The following DSE variants were observed in gnomAD, a reference collection of about 807,000 sequenced individuals.
The protein encoded by DSE is dermatan sulfate epimerase.
A neutral mutation model predicts 84.4 loss-of-function variants in DSE; 36 were observed. The ratio of observed to expected loss-of-function variants is 0.43; its 90% CI spans 0.33 to 0.56. The LOEUF (loss-of-function observed/expected upper bound fraction) is 0.56. Ranked by LOEUF, DSE falls within the 20% of genes least tolerant of loss-of-function variation. The probability of loss-of-function intolerance (pLI) is 0.06; values close to 1 mark genes in which losing one functional copy is unlikely to be tolerated. For missense variants in DSE, 862 were observed against 1,169.6 expected (o/e 0.74, Z 3.84); for synonymous variants, 410 against 430.1 (o/e 0.95, Z 0.58).
chr6:116,409,389 G>A (rs918190657), intron 2 of DSE, among the ~76,000 whole-genome samples: 6 of 152,126 alleles, frequency 3.9e-5, no homozygotes, highest in Admixed American at 2.0e-4. Flanking sequence ...CCATTCTCCT[G>A]CCTCAGCCTC....
chr6:116,396,351 G>T (rs1047101586), intron 1 of DSE, among the ~76,000 whole-genome samples: 3 of 152,174 alleles, frequency 2.0e-5, no homozygotes, highest in African/African-American at 7.2e-5. Flanking sequence ...TAATAGCTGG[G>T]AGAGCACTGG....
chr6:116,336,687 G>T, intron 2 of DSE, among the ~76,000 whole-genome samples: 1 of 151,384 alleles, frequency 6.6e-6, no homozygotes, highest in East Asian at 1.9e-4. Context: ...CCTGGGAGGC[G>T]GAGGTTGCAA....
At chr6:116,383,690 C>G (rs558153290) in intron 1 of DSE, among the ~76,000 whole-genome samples, 1 of 152,300 alleles carries the variant, frequency 6.6e-6, no homozygotes, top group African/African-American at 2.4e-5. Context: ...TATCATTCAT[C>G]TTCCTTACAG....
intron 2 of DSE, among the ~76,000 whole-genome samples, chr6:116,421,677 T>C (rs1471644879): frequency 1.3e-5 from 2 of 151,652 alleles, no homozygotes; most frequent in Non-Finnish European, 1.5e-5. Context: ...AGTTTTGCTA[T>C]GTGGAACTCC....
At chr6:116,279,969 A>G in intron 2 of DSE, 1 of 1,251,050 alleles carries the variant, frequency 8.0e-7, no homozygotes, top group South Asian at 1.2e-5. Context: ...TGGAGATCTC[A>G]CGGTATCGCG....
rs148121424 is a variant in DSE, at chr6:116,436,540, A to G, written c.2072A>G (p.Lys691Arg). ...CTGGATGTGTTCATAGCCACCAGCA[A>G]ACATGCCTACGCCACATACCTGTGG... ...QQLDVFIATS[K>R]HAYATYLWTG... Residue 691 changes from lysine (K) to arginine (R), a missense_variant, in exon 6 of 6, where the codon AAA becomes AGA. Physicochemically the swap from Lys to Arg is conservative, Grantham distance 26. This residue lies in a region of DSE where 315 missense variants were observed against 348.1 expected (regional missense o/e 0.90). Transcript: ENST00000644252. 18 of 1,614,140 alleles carry G rather than the reference A, an allele frequency of 1.1e-5. No homozygotes were observed. The African/African-American group carries it at 2.3e-4, about 20-fold the overall frequency.
intron 2 of DSE, among the ~76,000 whole-genome samples, chr6:116,409,435 G>T (rs1053020160): frequency 6.6e-6 from 1 of 151,934 alleles, no homozygotes. Flanking sequence ...CCACCACCAC[G>T]CCTGGCTAAT....
rs1302923345 is a variant in DSE at position 116,291,567 on chromosome 6, T to C, written c.-54+32600T>C. On this transcript the variant is annotated intron_variant, in intron 2 of 3. Coordinates refer to the DSE transcript ENST00000430252. Reference sequence around the variant, plus strand: ...AGGCTTTTTATTATACATTATTATATGTTTATGATATATTAAATATAATTA... The same window carrying C: ...AGGCTTTTTATTATACATTATTATACGTTTATGATATATTAAATATAATTA... Among the ~76,000 whole-genome samples, 3 of 150,992 alleles carry C rather than the reference T, an allele frequency of 2.0e-5. No homozygotes were observed. In the East Asian group the frequency reaches 5.8e-4, roughly 29 times the overall value.
At chr6:116,299,454 A>G (rs1486960781) in intron 2 of DSE, among the ~76,000 whole-genome samples, 1 of 148,902 alleles carries the variant, frequency 6.7e-6, no homozygotes, top group African/African-American at 2.5e-5. Flanking sequence ...AGGTATGGTG[A>G]ACTAGAAATG....
chr6:116,345,027 A>G (rs535527286), intron 2 of DSE, among the ~76,000 whole-genome samples: 110 of 152,274 alleles, frequency 7.2e-4, no homozygotes, highest in Non-Finnish European at 1.2e-3. Context: ...GACAAAGAAG[A>G]CCATTACATA....
At chr6:116,362,752 A>G (rs1003358448) in intron 2 of DSE, among the ~76,000 whole-genome samples, 2 of 152,196 alleles carry the variant, frequency 1.3e-5, no homozygotes, top group African/African-American at 4.8e-5. Context: ...GAGCACCTCT[A>G]GCCTAGGCCA....
upstream of DSE, among the ~76,000 whole-genome samples, chr6:116,369,094 G>A (rs1779350030): frequency 1.3e-5 from 2 of 152,210 alleles, no homozygotes; most frequent in East Asian, 1.9e-4. Flanking sequence ...TGTACATTGT[G>A]ATCATCTAGG....
intron 1 of DSE, among the ~76,000 whole-genome samples, chr6:116,374,597 G>A (rs976535057): frequency 9.2e-5 from 14 of 152,148 alleles, no homozygotes; most frequent in Non-Finnish European, 2.1e-4. Context: ...AGAAGAAAAG[G>A]AATTTATTTT....
upstream of DSE, chr6:116,369,921 T>C (rs1390277416): frequency 7.8e-7 from 1 of 1,289,352 alleles, no homozygotes. Flanking sequence ...CTCATTCTAA[T>C]GAATGGGTAA....
intron 2 of DSE, among the ~76,000 whole-genome samples, chr6:116,404,433 G>C (rs1004714550): frequency 4.6e-5 from 7 of 152,164 alleles, no homozygotes; most frequent in African/African-American, 1.7e-4. Context: ...GCTTTTCATG[G>C]CTCCTTGTCT....
intron 2 of DSE, among the ~76,000 whole-genome samples, chr6:116,322,235 G>T (rs147998369): frequency 2.0e-5 from 3 of 152,004 alleles, no homozygotes; most frequent in African/African-American, 7.3e-5. Context: ...TAACATAACC[G>T]ATTAGGTCGG....
At chr6:116,400,662 T>C (rs536200937) in intron 2 of DSE, 1 of 152,324 alleles carries the variant, frequency 6.6e-6, no homozygotes, top group African/African-American at 2.4e-5. Flanking sequence ...AGCTGATATT[T>C]TAGGCCTGTT....
chr6:116,273,771 C>G (rs1772986336), intron 2 of DSE, among the ~76,000 whole-genome samples: 1 of 151,762 alleles, frequency 6.6e-6, no homozygotes, highest in African/African-American at 2.4e-5. Context: ...TGCTAGTATT[C>G]AATAAACAAC....
intron 1 of DSE, chr6:116,375,376 A>T (rs550451312): frequency 5.5e-6 from 1 of 180,216 alleles, no homozygotes; most frequent in Admixed American, 6.5e-5. Context: ...TTTAAAGAAA[A>T]ATCTTTCTTC....
Sources: gnomAD v4.1 joint callset for allele counts (sites outside exome capture counted in the v4.1 genomes callset) on GRCh38, gnomAD v4.1.1 for gene constraint, gnomAD v4.1.1 regional missense constraint, MANE v1.5 for transcripts, NCBI Gene and HGNC (gene_info 2026-07-23, HGNC 2026-07-21) for gene names.